Variants in RPTOR observed in about 807,000 individuals in gnomAD.
RPTOR encodes regulatory associated protein of MTOR complex 1, also known as regulatory-associated protein of mTOR.
In RPTOR, 21 loss-of-function variants were observed where a neutral mutation model predicts 169.9. That is an observed-to-expected ratio of 0.12 (90% confidence interval 0.09 to 0.18). RPTOR has a LOEUF of 0.18. Among genes scored for constraint, RPTOR ranks in the 10% least tolerant of loss-of-function variants. The pLI is 1.00. For missense variants in RPTOR, 1,133 were observed against 1,855.9 expected (o/e 0.61, Z 7.16); for synonymous variants, 732 against 753.2 (o/e 0.97, Z 0.46).
At chr17:80,634,584 C>T (rs1208397243) in intron 2 of RPTOR, among the ~76,000 whole-genome samples, 4 of 81,194 alleles carry the variant, frequency 4.9e-5, no homozygotes, top group South Asian at 5.2e-4. Flanking sequence ...TGTGTGTGTG[C>T]GTACTGTGTG....
intron 1 of RPTOR, among the ~76,000 whole-genome samples, chr17:80,587,093 G>C (rs2065067228): frequency 6.6e-6 from 1 of 152,232 alleles, no homozygotes; most frequent in South Asian, 2.1e-4. Context: ...AAACAACACG[G>C]GGCTTGTCGG....
Position 80,863,652 on chromosome 17 carries a change from C to T in RPTOR, c.1509+5752C>T, listed in dbSNP as rs537982773. 1.6e-4 allele frequency among the ~76,000 whole-genome samples: 24 copies of T among 152,344 alleles called. No individual in the cohort carries two copies. In the South Asian group the frequency reaches 2.7e-3, roughly 17 times the overall value. On this transcript the variant is annotated intron_variant, in intron 13 of 33. Coordinates refer to ENST00000306801, the MANE Select transcript of RPTOR (RefSeq NM_020761.3). Reference sequence around the variant, plus strand: ...AGTACACGGTTAGGCACGGGGCTCACGTCTGTAATCTCAGCACTTTTGGAG... The same window carrying T: ...AGTACACGGTTAGGCACGGGGCTCATGTCTGTAATCTCAGCACTTTTGGAG...
rs2065600974 is a variant in RPTOR at position 80,646,979 on chromosome 17, C to T, written c.348+3169C>T. Among the ~76,000 whole-genome samples, 3 of 152,300 alleles carry T rather than the reference C, an allele frequency of 2.0e-5. No individual in the cohort carries two copies. In the South Asian group the frequency reaches 6.2e-4, roughly 32 times the overall value. ...CTGCACCAGAATGGTGTCTGGAAGC[C>T]TCTGATGATTTCCTTGCTGGTGCTG... is the stretch of plus-strand genomic sequence containing the variant. On this transcript the variant is annotated intron_variant, in intron 3 of 33. Transcript: ENST00000306801. The surrounding 1 kb of genome is among the most constrained non-coding windows in gnomAD (Gnocchi z 5.0).
At chr17:80,703,684 C>T (rs930936198) in intron 3 of RPTOR, among the ~76,000 whole-genome samples, 1 of 152,222 alleles carries the variant, frequency 6.6e-6, no homozygotes, top group Non-Finnish European at 1.5e-5. Flanking sequence ...CATAGACCCT[C>T]CTTCCCAGGG....
intron 5 of RPTOR, among the ~76,000 whole-genome samples, chr17:80,744,513 ACGAGCACAGCC>A (rs2066542377): frequency 2.8e-5 from 2 of 71,364 alleles, no homozygotes; most frequent in Admixed American, 1.1e-4. Flanking sequence ...TGTCCTGGTT[ACGAGCACAGCC>A]CTGGCTACTA....
intron 3 of RPTOR, among the ~76,000 whole-genome samples, chr17:80,676,477 C>T (rs946703828): frequency 1.2e-4 from 18 of 152,194 alleles, no homozygotes; most frequent in African/African-American, 3.6e-4. Context: ...TGGACATCAG[C>T]GCTGTGGGTC....
At position 80,623,837 on chromosome 17, in the gene RPTOR, A is replaced by G. The variant is rs540326353; in HGVS notation, c.163-1854A>G. On this transcript the variant is annotated intron_variant, in intron 1 of 33. Coordinates refer to ENST00000306801, the MANE Select transcript of RPTOR (RefSeq NM_020761.3). ...AGGGGTGAGCCACCGTGCCCAGCCT[A>G]TCTTTTCTTTATGCTAGGAACATTC... is the stretch of plus-strand genomic sequence containing the variant. 3.9e-5 allele frequency among the ~76,000 whole-genome samples: 6 copies of G among 152,228 alleles called. No individual in the cohort carries two copies. The East Asian group carries it at 1.2e-3, about 29-fold the overall frequency.
intron 2 of RPTOR, among the ~76,000 whole-genome samples, chr17:80,626,811 T>TTATTAC (rs1057007257): frequency 6.9e-6 from 1 of 144,650 alleles, no homozygotes; most frequent in African/African-American, 2.5e-5. Context: ...ATTATTATTA[T>TTATTAC]TTTTCATTCT....
At chr17:80,681,270 T>A (rs80183474) in intron 3 of RPTOR, among the ~76,000 whole-genome samples, 24,469 of 152,190 alleles carry the variant, frequency 0.16, 2,943 homozygotes, top group African/African-American at 0.34. Flanking sequence ...GAGCATCTTT[T>A]AGAGTCACCT....
At chr17:80,596,148 A>G (rs12952925) in intron 1 of RPTOR, among the ~76,000 whole-genome samples, 26,968 of 152,176 alleles carry the variant, frequency 0.18, 2,911 homozygotes, top group East Asian at 0.27. Flanking sequence ...TACATTTTCT[A>G]TGATTAATAT....
intron 6 of RPTOR, among the ~76,000 whole-genome samples, chr17:80,781,299 T>C (rs550720106): frequency 8.7e-4 from 132 of 152,306 alleles, no homozygotes; most frequent in Admixed American, 3.5e-3. Flanking sequence ...ATTTTTTAAA[T>C]TGGCAAATAG....
At chr17:80,685,376 A>G (rs982568696) in intron 3 of RPTOR, among the ~76,000 whole-genome samples, 14 of 151,578 alleles carry the variant, frequency 9.2e-5, no homozygotes, top group Admixed American at 2.0e-4. Context: ...CCTGGGTTCA[A>G]GTGACCCTCC....
intron 3 of RPTOR, among the ~76,000 whole-genome samples, chr17:80,660,824 C>G (rs1321292108): frequency 6.6e-6 from 1 of 152,080 alleles, no homozygotes; most frequent in African/African-American, 2.4e-5. Context: ...CCATCGTTCC[C>G]CACCCCATCT....
At chr17:80,549,412 C>T (rs761401602) in intron 1 of RPTOR, among the ~76,000 whole-genome samples, 13 of 152,070 alleles carry the variant, frequency 8.5e-5, no homozygotes, top group Non-Finnish European at 1.5e-4. Context: ...TGGGTTCAAG[C>T]GATTCTCCTG....
At chr17:80,949,150 G>A (rs1039610560) in intron 27 of RPTOR, among the ~76,000 whole-genome samples, 6 of 152,274 alleles carry the variant, frequency 3.9e-5, no homozygotes, top group Middle Eastern at 3.4e-3. Context: ...GGGCAGCCCC[G>A]GCTCCCAGGG....
intron 25 of RPTOR, among the ~76,000 whole-genome samples, chr17:80,940,927 A>T (rs1238219444): frequency 1.3e-5 from 2 of 152,186 alleles, no homozygotes; most frequent in African/African-American, 4.8e-5. Flanking sequence ...CGGGATTATC[A>T]GCGCAGGTGG....
intron 10 of RPTOR, among the ~76,000 whole-genome samples, chr17:80,840,313 C>CG (rs146204651): frequency 0.13 from 18,926 of 149,504 alleles, 1,107 homozygotes; most frequent in African/African-American, 0.17. Flanking sequence ...ACTCACCGCA[C>CG]GGCAGCTCAC....
chr17:80,545,893 T>C (rs2084268557), intron 1 of RPTOR, 102 bp downstream of exon 1: 1 of 999,000 alleles, frequency 1.0e-6, no homozygotes, highest in Non-Finnish European at 1.4e-6. Context: ...CATTTCCCCC[T>C]AGCCACACGT....
intron 5 of RPTOR, among the ~76,000 whole-genome samples, chr17:80,736,918 G>T (rs2066438088): frequency 6.6e-6 from 1 of 152,202 alleles, no homozygotes; most frequent in South Asian, 2.1e-4. Flanking sequence ...AGGAGCTCAG[G>T]CTCGCCTGTA....
Sources: gnomAD v4.1 joint callset for allele counts (sites outside exome capture counted in the v4.1 genomes callset) on GRCh38, gnomAD v4.1.1 for gene constraint, Gnocchi (gnomAD v3.1) non-coding constraint, MANE v1.5 for transcripts, NCBI Gene and HGNC (gene_info 2026-07-23, HGNC 2026-07-21) for gene names.